CABIN1: variants seen among roughly 807,000 people sequenced by gnomAD.
CABIN1 encodes the protein calcineurin-binding protein cabin-1.
Under a neutral mutation model 227.7 loss-of-function variants are expected in CABIN1, and 133 were observed. The ratio of observed to expected loss-of-function variants is 0.58; its 90% CI spans 0.51 to 0.67. The LOEUF (loss-of-function observed/expected upper bound fraction) is 0.67. Among genes scored for constraint, CABIN1 ranks in the 30% least tolerant of loss-of-function variants. The probability of loss-of-function intolerance (pLI) is 0.00; values close to 1 mark genes in which losing one functional copy is unlikely to be tolerated. For synonymous variants in CABIN1, 1,086 were observed against 1,155.1 expected, an observed-to-expected ratio of 0.94 and a Z score of 1.21; for missense variants, 2,408 against 2,852.5, an observed-to-expected ratio of 0.84 and a Z score of 3.55.
At chr22:24,061,373 C>T (rs1456676522) in intron 12 of CABIN1, among the ~76,000 whole-genome samples, 2 of 152,226 alleles carry the variant, frequency 1.3e-5, no homozygotes, top group African/African-American at 4.8e-5. Flanking sequence ...GGTAGAAGAG[C>T]TTGTAGGTCA....
At chr22:24,128,850 C>A (rs1392487733) in intron 28 of CABIN1, among the ~76,000 whole-genome samples, 1 of 152,142 alleles carries the variant, frequency 6.6e-6, no homozygotes. Context: ...AGGATCCCCA[C>A]CAGACAGTTT....
intron 4 of CABIN1, among the ~76,000 whole-genome samples, chr22:24,039,026 G>A (rs1447963444): frequency 1.3e-5 from 2 of 152,206 alleles, no homozygotes; most frequent in African/African-American, 4.8e-5. Context: ...TCCCAGCATG[G>A]GGACTGTGGT....
chr22:24,122,465 T>C (rs2043472358), intron 28 of CABIN1, among the ~76,000 whole-genome samples: 1 of 152,006 alleles, frequency 6.6e-6, no homozygotes, highest in African/African-American at 2.4e-5. Flanking sequence ...CCTAGCACTT[T>C]GGGAGGCTGA....
intron 23 of CABIN1, among the ~76,000 whole-genome samples, chr22:24,090,318 C>G (rs9608237): frequency 2.0e-5 from 3 of 152,302 alleles, no homozygotes; most frequent in Admixed American, 1.3e-4. Flanking sequence ...GTGACTTGGT[C>G]CAGGTCACAC....
In CABIN1 at chr22:24,113,626, T is replaced by C. The variant is rs2042924821; in HGVS notation, c.4178T>C (p.Phe1393Ser). 1 of 1,614,024 alleles carries C rather than the reference T, an allele frequency of 6.2e-7. No individual in the cohort carries two copies. The highest frequency in any genetic ancestry group is 8.5e-7 in the Non-Finnish European group (1 of 1,180,038). ...LSDSSSTQDF[F>S]NEPTSLLEGS... ...GACTCTAGCTCAACGCAGGACTTCT[T>C]TAATGAGCCCACCAGCTTACTGGAA... is the stretch of plus-strand genomic sequence containing the variant. The change falls in exon 27 of 37, where the codon TTT becomes TCT. Residue 1393 changes from phenylalanine to serine, a missense_variant. By Grantham distance (155) the Phe-to-Ser change is radical. Coordinates refer to ENST00000263119, the MANE Select transcript of CABIN1 (RefSeq NM_012295.4).
At chr22:24,093,939 T>C (rs1156594166) in intron 24 of CABIN1, among the ~76,000 whole-genome samples, 2 of 152,090 alleles carry the variant, frequency 1.3e-5, no homozygotes, top group Non-Finnish European at 2.9e-5. Context: ...CATGGAGAAG[T>C]GTGGAAACAC....
chr22:24,132,445 G>GGGT (rs1169929817), intron 28 of CABIN1, among the ~76,000 whole-genome samples: 2 of 152,216 alleles, frequency 1.3e-5, no homozygotes, highest in Non-Finnish European at 2.9e-5. Flanking sequence ...GGATAGGGTG[G>GGGT]GGTGGAGTGC....
At chr22:24,114,027 A>G (rs2042947760) in intron 27 of CABIN1, among the ~76,000 whole-genome samples, 1 of 151,822 alleles carries the variant, frequency 6.6e-6, no homozygotes, top group Admixed American at 6.5e-5. Context: ...AGCCCGGGAA[A>G]GCCATGTCTG....
chr22:24,041,402 CT>C, intron 5 of CABIN1, 129 bp downstream of exon 5: 9 of 1,177,590 alleles, frequency 7.6e-6, no homozygotes, highest in Non-Finnish European at 1.1e-5. Flanking sequence ...GTACCCAAGG[CT>C]CTAGGGTAGG....
intron 2 of CABIN1, 122 bp downstream of exon 2, chr22:24,035,642 C>G (rs950702808): frequency 1.7e-5 from 21 of 1,266,004 alleles, no homozygotes; most frequent in Non-Finnish European, 2.2e-5. Flanking sequence ...GCCTTCCTCC[C>G]AGGAAGGCTG....
chr22:24,031,796 G>A (rs1202044206), intron 1 of CABIN1, among the ~76,000 whole-genome samples: 1 of 152,194 alleles, frequency 6.6e-6, no homozygotes, highest in African/African-American at 2.4e-5. Context: ...TCTGCTTACT[G>A]GGAGTCATCA....
chr22:24,019,782 C>T (rs1384451494), intron 1 of CABIN1, among the ~76,000 whole-genome samples: 3 of 150,744 alleles, frequency 2.0e-5, no homozygotes, highest in East Asian at 2.0e-4. Context: ...TTCACCCTCC[C>T]GAGTAGCTGG....
chr22:24,107,621 T>A (rs2042587063), intron 26 of CABIN1, among the ~76,000 whole-genome samples: 1 of 152,222 alleles, frequency 6.6e-6, no homozygotes, highest in Admixed American at 6.5e-5. Flanking sequence ...CTGGCCACCT[T>A]CACTGCCTGC....
In CABIN1 at chr22:24,016,475, A is replaced by C. The variant is rs2035294355; in HGVS notation, c.-75+5108A>C. On this transcript the variant is annotated intron_variant, in intron 1 of 36. Transcript: ENST00000263119. ...TCATTAATTTTTACAGCTGCATAGT[A>C]CTTCATTACATGAATGTACCATAGT... 3.9e-5 allele frequency among the ~76,000 whole-genome samples: 6 copies of C among 152,380 alleles called. No homozygotes were observed. The South Asian group carries it at 1.2e-3, about 32-fold the overall frequency.
intron 33 of CABIN1, among the ~76,000 whole-genome samples, chr22:24,169,656 G>A (rs755552564): frequency 3.9e-5 from 6 of 152,214 alleles, no homozygotes; most frequent in African/African-American, 1.4e-4. Context: ...AGTGCTGGGC[G>A]CAGGCCCAGG....
intron 7 of CABIN1, among the ~76,000 whole-genome samples, chr22:24,050,506 A>G (rs113611402): frequency 2.0e-5 from 3 of 152,354 alleles, no homozygotes; most frequent in African/African-American, 7.2e-5. Context: ...AAGATTTTCT[A>G]ATAATAATTG....
chr22:24,073,986 C>T (rs1334211472), intron 18 of CABIN1, among the ~76,000 whole-genome samples: 1 of 147,124 alleles, frequency 6.8e-6, no homozygotes, highest in Non-Finnish European at 1.5e-5. Context: ...CCGTGATGAA[C>T]ACCTCATTCA....
chr22:24,164,247 T>G (rs1017297515), intron 29 of CABIN1, among the ~76,000 whole-genome samples, 153 bp from the exon 30 acceptor site: 8 of 152,122 alleles, frequency 5.3e-5, no homozygotes, highest in African/African-American at 1.9e-4. Flanking sequence ...TACACTTCTG[T>G]CTCCTTGGGA....
At chr22:24,021,926 C>G (rs889249860) in intron 1 of CABIN1, among the ~76,000 whole-genome samples, 1 of 152,164 alleles carries the variant, frequency 6.6e-6, no homozygotes, top group African/African-American at 2.4e-5. Flanking sequence ...CTCAGGTGAT[C>G]TACCCACCTT....
Sources: allele counts gnomAD v4.1 joint callset (sites outside exome capture counted in the v4.1 genomes callset), GRCh38; gene constraint gnomAD v4.1.1; transcripts MANE v1.5; gene names NCBI Gene and HGNC (gene_info 2026-07-23, HGNC 2026-07-21).